SAMD3: variants seen among roughly 807,000 people sequenced by gnomAD.
SAMD3 encodes sterile alpha motif domain-containing protein 3.
In SAMD3, 63 loss-of-function variants were observed where a neutral mutation model predicts 58.5. The observed-to-expected ratio is 1.08, with a 90% CI of 0.88 to 1.33. The LOEUF (loss-of-function observed/expected upper bound fraction) is 1.33. Among genes scored for constraint, SAMD3 ranks in the 40% most tolerant of loss-of-function variants. The probability of loss-of-function intolerance (pLI) is 0.00; values close to 1 mark genes in which losing one functional copy is unlikely to be tolerated. For missense variants in SAMD3, 604 were observed against 608.4 expected (o/e 0.99, Z 0.08); for synonymous variants, 220 against 210.3 (o/e 1.05, Z -0.40).
At chr6:130,191,631 T>A (rs1793556317) in intron 5 of SAMD3, among the ~76,000 whole-genome samples, 1 of 152,034 alleles carries the variant, frequency 6.6e-6, no homozygotes, top group African/African-American at 2.4e-5. Flanking sequence ...TTCCTTTTTT[T>A]TTTTTTTAAC....
At chr6:130,320,540 G>A (rs553859073) in intron 1 of SAMD3, among the ~76,000 whole-genome samples, 45 of 152,274 alleles carry the variant, frequency 3.0e-4, no homozygotes, top group African/African-American at 8.9e-4. Flanking sequence ...GCGTGCTCAT[G>A]TAACTATCCA....
intron 8 of SAMD3, among the ~76,000 whole-genome samples, chr6:130,172,670 G>C (rs1463200939): frequency 1.3e-5 from 2 of 152,130 alleles, no homozygotes; most frequent in Non-Finnish European, 2.9e-5. Flanking sequence ...TGGTGAGTCT[G>C]ACAATCATGT....
intron 8 of SAMD3, chr6:130,160,517 G>A (rs1183360156): frequency 6.6e-6 from 1 of 152,204 alleles, no homozygotes; most frequent in African/African-American, 2.4e-5. Context: ...GAATTTGAAA[G>A]AAGAAAGGAC....
chr6:130,259,478 CT>C lies in SAMD3; in HGVS notation c.-187-36666del, dbSNP rs1243817509. ...TATTAATTTTTCATGAGTGATCAGC[CT>C]CCATGATCCAAACATCTCCCATTAG... On this transcript the variant is annotated intron_variant, in intron 2 of 13. Coordinates refer to the SAMD3 transcript ENST00000368134. Among the ~76,000 whole-genome samples, 33 of 152,278 alleles carry C rather than the reference CT, an allele frequency of 2.2e-4. 2 individuals carry two copies. The highest frequency in any genetic ancestry group is 7.9e-4 in the African/African-American group (33 of 41,560).
intron 7 of SAMD3, chr6:130,183,576 C>T (rs1353745277): frequency 2.7e-6 from 1 of 363,780 alleles, no homozygotes; most frequent in Non-Finnish European, 5.3e-6. Context: ...AAAGACCCTT[C>T]CTAACCCTTA....
chr6:130,170,961 A>G (rs977630251), intron 8 of SAMD3, among the ~76,000 whole-genome samples: 1 of 152,214 alleles, frequency 6.6e-6, no homozygotes, highest in African/African-American at 2.4e-5. Context: ...TGCTCAGGCC[A>G]GAACTTCCAA....
At chr6:130,307,379 T>G (rs902806509) in intron 2 of SAMD3, among the ~76,000 whole-genome samples, 1 of 152,200 alleles carries the variant, frequency 6.6e-6, no homozygotes, top group Non-Finnish European at 1.5e-5. Context: ...TAGCTAATCT[T>G]TTTGTGAGCA....
At chr6:130,283,740 T>C (rs1775065735) in intron 2 of SAMD3, among the ~76,000 whole-genome samples, 1 of 152,194 alleles carries the variant, frequency 6.6e-6, no homozygotes, top group Admixed American at 6.5e-5. Context: ...GAATAACGAC[T>C]TTTAAAGGAT....
At chr6:130,296,901 C>T (rs1775588641) in intron 2 of SAMD3, among the ~76,000 whole-genome samples, 1 of 152,140 alleles carries the variant, frequency 6.6e-6, no homozygotes, top group African/African-American at 2.4e-5. Flanking sequence ...CACATTCCTG[C>T]CAACTCAGGA....
At chr6:130,242,868 G>T (rs1773411263) in intron 2 of SAMD3, among the ~76,000 whole-genome samples, 1 of 152,200 alleles carries the variant, frequency 6.6e-6, no homozygotes, top group Non-Finnish European at 1.5e-5. Context: ...CCCTTTGATA[G>T]CTGGAGTCAG....
chr6:130,347,170 T>C (rs1473838827), intron 1 of SAMD3, among the ~76,000 whole-genome samples: 3 of 151,484 alleles, frequency 2.0e-5, no homozygotes, highest in Non-Finnish European at 4.4e-5. Flanking sequence ...AAAAGCAGAG[T>C]GCCTCTCCTC....
At chr6:130,169,082 G>A (rs1220867063) in intron 8 of SAMD3, among the ~76,000 whole-genome samples, 1 of 152,080 alleles carries the variant, frequency 6.6e-6, no homozygotes, top group Non-Finnish European at 1.5e-5. Context: ...CCAAAGTGCT[G>A]GGATTAATGA....
chr6:130,179,079 C>G (rs907027333), intron 7 of SAMD3, among the ~76,000 whole-genome samples: 11 of 152,092 alleles, frequency 7.2e-5, no homozygotes, highest in African/African-American at 2.7e-4. Flanking sequence ...TCTAAATGTG[C>G]TGAACCTGGT....
At chr6:130,148,322 T>C (rs1224083343) in intron 9 of SAMD3, among the ~76,000 whole-genome samples, 1 of 152,224 alleles carries the variant, frequency 6.6e-6, no homozygotes, top group Non-Finnish European at 1.5e-5. Flanking sequence ...ATCTGATCCT[T>C]TCATTATTTA....
At chr6:130,224,150 A>G (rs557113079), upstream of SAMD3, among the ~76,000 whole-genome samples, 4 of 150,452 alleles carry the variant, frequency 2.7e-5, no homozygotes, top group East Asian at 5.8e-4. Flanking sequence ...TACGTGGTCC[A>G]CATCATACTG....
At chr6:130,215,827 T>C in intron 2 of SAMD3, 1 of 1,534,858 alleles carries the variant, frequency 6.5e-7, no homozygotes, top group East Asian at 2.4e-5. Context: ...GAGAAGGAGA[T>C]TGTAACTTGC....
chr6:130,248,672 A>G (rs894870615), intron 2 of SAMD3, among the ~76,000 whole-genome samples: 1 of 152,188 alleles, frequency 6.6e-6, no homozygotes, highest in Non-Finnish European at 1.5e-5. Context: ...GCATGGCAGT[A>G]TCTGGCACTG....
At chr6:130,349,566 A>T (rs1470418109) in intron 1 of SAMD3, among the ~76,000 whole-genome samples, 3 of 152,188 alleles carry the variant, frequency 2.0e-5, no homozygotes, top group East Asian at 1.9e-4. Context: ...TCTGAAATTG[A>T]GGCAATAATT....
chr6:130,349,920 T>G (rs557209460), intron 1 of SAMD3, among the ~76,000 whole-genome samples: 1 of 152,058 alleles, frequency 6.6e-6, no homozygotes, highest in African/African-American at 2.4e-5. Context: ...GTTCAACATA[T>G]GCAAATCAAT....
Sources: gnomAD v4.1 joint callset for allele counts (sites outside exome capture counted in the v4.1 genomes callset) on GRCh38, gnomAD v4.1.1 for gene constraint, MANE v1.5 for transcripts, NCBI Gene and HGNC (gene_info 2026-07-23, HGNC 2026-07-21) for gene names.